The following LGSN variants were observed in gnomAD, a reference collection of about 807,000 sequenced individuals.
LGSN encodes lengsin, lens protein with glutamine synthetase domain.
In LGSN, 21 loss-of-function variants were observed where a neutral mutation model predicts 19.5. That is an observed-to-expected ratio of 1.07 (90% CI 0.76 to 1.55). The LOEUF is 1.55. Among genes scored for constraint, LGSN ranks in the 40% most tolerant of loss-of-function variants. The probability of loss-of-function intolerance (pLI) is 0.00; values close to 1 mark genes in which losing one functional copy is unlikely to be tolerated. For missense variants in LGSN, 673 were observed against 608.5 expected (o/e 1.11, Z -1.12); for synonymous variants, 257 against 215.6 (o/e 1.19, Z -1.68).
At chr6:63,548,968 A>G in the LGSN span, 2 of 754,192 alleles carry the variant, frequency 2.7e-6, no homozygotes, top group Non-Finnish European at 4.8e-6. Context: ...ATAATGCAGT[A>G]AGGGACCCGC....
At chr6:63,528,371 G>A in the LGSN span, among the ~76,000 whole-genome samples, 3 of 151,988 alleles carry the variant, frequency 2.0e-5, no homozygotes, top group Admixed American at 2.0e-4. Context: ...TGAGGTGGGA[G>A]AATCGCTTGA....
chr6:63,368,638 C>T, the LGSN span, among the ~76,000 whole-genome samples: 1 of 152,210 alleles, frequency 6.6e-6, no homozygotes, highest in African/African-American at 2.4e-5. Context: ...TTACTTCCCT[C>T]GTCTGCATTC....
At chr6:63,396,681 T>C in the LGSN span, 16,241 of 153,314 alleles carry the variant, frequency 0.11, 1,765 homozygotes, top group African/African-American at 0.29. Context: ...GTGGAGGGGC[T>C]GGTTCTGCAA....
the LGSN span, among the ~76,000 whole-genome samples, chr6:63,407,741 C>T: frequency 6.6e-6 from 1 of 152,152 alleles, no homozygotes; most frequent in Non-Finnish European, 1.5e-5. Flanking sequence ...GTCAAATTGT[C>T]CCTGTTTGCA....
chr6:63,401,586 A>C, the LGSN span, among the ~76,000 whole-genome samples: 2,329 of 152,336 alleles, frequency 0.015, 68 homozygotes, highest in African/African-American at 0.053. Flanking sequence ...ACTTACAAAA[A>C]GCAAAATTTA....
chr6:63,436,873 C>T, the LGSN span, among the ~76,000 whole-genome samples: 29 of 113,506 alleles, frequency 2.6e-4, 1 homozygote, highest in Non-Finnish European at 2.1e-5. Flanking sequence ...CCATCTCTAC[C>T]AAAAATACAA....
the LGSN span, among the ~76,000 whole-genome samples, chr6:63,519,382 G>A: frequency 6.6e-6 from 1 of 152,114 alleles, no homozygotes; most frequent in Non-Finnish European, 1.5e-5. Context: ...GTCAAGTCAG[G>A]TCAGGTTTTG....
chr6:63,487,087 G>A, the LGSN span, among the ~76,000 whole-genome samples: 11 of 151,800 alleles, frequency 7.2e-5, no homozygotes, highest in Admixed American at 5.9e-4. Flanking sequence ...CACCTGTTTC[G>A]GCCTCCCAAA....
chr6:63,355,067 AAAC>A, the LGSN span, among the ~76,000 whole-genome samples: 1 of 152,196 alleles, frequency 6.6e-6, no homozygotes, highest in African/African-American at 2.4e-5. Context: ...TGACTACAGT[AAAC>A]AACAATGTAT....
the LGSN span, chr6:63,440,664 G>A: frequency 2.6e-5 from 4 of 152,240 alleles, no homozygotes; most frequent in African/African-American, 9.7e-5. Context: ...CTCAGGTGTG[G>A]TGGGTTGGGT....
At chr6:63,514,053 C>T in the LGSN span, among the ~76,000 whole-genome samples, 2 of 150,890 alleles carry the variant, frequency 1.3e-5, no homozygotes, top group African/African-American at 2.4e-5. Context: ...AAATAATTAG[C>T]GAAAAATCTG....
In LGSN at chr6:63,294,930, T is replaced by C. The variant is rs1406470589; in HGVS notation, c.146A>G (p.Asp49Gly). The change falls in exon 2 of 4, where the codon GAT (aspartate) becomes GGT (glycine). Residue 49 changes from aspartate (D) to glycine (G), a missense_variant. Transcript: ENST00000370657. ...TTAGATACCATTTGAATTGGACATA[T>C]CCGTTTCTCCCACTTCAGTTGAACA... The part of the protein sequence containing the change: ...YVCSTEVGET[D>G]MSNSNDCMRD... 2 of 1,613,930 alleles carry C rather than the reference T, an allele frequency of 1.2e-6. No homozygotes were observed. Among genetic ancestry groups the C allele is most frequent in the Non-Finnish European group, 1.7e-6 (2 of 1,179,904 alleles).
the LGSN span, among the ~76,000 whole-genome samples, chr6:63,382,457 C>A: frequency 6.6e-6 from 1 of 152,196 alleles, no homozygotes; most frequent in African/African-American, 2.4e-5. Context: ...TTGTCTCAGA[C>A]CAGTCCCCAG....
At chr6:63,319,195 A>G (rs1768990067) in intron 1 of LGSN, among the ~76,000 whole-genome samples, 1 of 152,172 alleles carries the variant, frequency 6.6e-6, no homozygotes, top group South Asian at 2.1e-4. Context: ...TTTGTTCTCT[A>G]TATGCCACTA....
chr6:63,458,666 G>A, the LGSN span, among the ~76,000 whole-genome samples: 1 of 152,134 alleles, frequency 6.6e-6, no homozygotes, highest in South Asian at 2.1e-4. Context: ...AGATTAGACT[G>A]GGTTCTCGCT....
At chr6:63,510,995 G>C in the LGSN span, among the ~76,000 whole-genome samples, 1 of 151,562 alleles carries the variant, frequency 6.6e-6, no homozygotes, top group African/African-American at 2.4e-5. Context: ...TTATTTAGAG[G>C]AGCAGCTAGA....
chr6:63,362,191 A>C, the LGSN span, among the ~76,000 whole-genome samples: 1 of 152,142 alleles, frequency 6.6e-6, no homozygotes, highest in Non-Finnish European at 1.5e-5. Flanking sequence ...AAGTAGAAGG[A>C]GTATACTCTA....
chr6:63,412,436 A>G, the LGSN span, among the ~76,000 whole-genome samples: 64 of 137,208 alleles, frequency 4.7e-4, no homozygotes, highest in African/African-American at 2.0e-3. Context: ...GAAAGAAAGA[A>G]AGAAAGCAAG....
chr6:63,532,065 C>A, the LGSN span, among the ~76,000 whole-genome samples: 456 of 152,298 alleles, frequency 3.0e-3, 2 homozygotes, highest in African/African-American at 0.01. Flanking sequence ...TCCCAGAGTG[C>A]TGGGATTACA....
Sources: gnomAD v4.1 joint callset for allele counts (sites outside exome capture counted in the v4.1 genomes callset) on GRCh38, gnomAD v4.1.1 for gene constraint, MANE v1.5 for transcripts, NCBI Gene and HGNC (gene_info 2026-07-23, HGNC 2026-07-21) for gene names.